Variants in DSG2 observed in about 807,000 individuals in gnomAD.
The protein encoded by DSG2 is desmoglein 2, also known as desmoglein-2.
Under a neutral mutation model 75.6 loss-of-function variants are expected in DSG2, and 45 were observed. That is an observed-to-expected ratio of 0.60 (90% CI 0.47 to 0.76). DSG2 has a LOEUF of 0.76. DSG2 is among the 30% of genes least tolerant of loss of function. The pLI is 0.00. For missense variants in DSG2, 1,267 were observed against 1,357.4 expected, an observed-to-expected ratio of 0.93 and a Z score of 1.05; for synonymous variants, 429 against 483.9, an observed-to-expected ratio of 0.89 and a Z score of 1.49.
intron 1 of DSG2, among the ~76,000 whole-genome samples, chr18:31,506,335 A>T (rs1273448271): frequency 1.3e-5 from 2 of 152,238 alleles, no homozygotes; most frequent in East Asian, 1.9e-4. Flanking sequence ...AGAAAGGAAA[A>T]AAACAAGAAA....
At chr18:31,530,905 T>G in intron 8 of DSG2, 82 bp from the exon 9 acceptor site, 2 of 1,411,664 alleles carry the variant, frequency 1.4e-6, no homozygotes, top group Non-Finnish European at 2.0e-6. Context: ...TATCTAACAT[T>G]AAAACCACAC....
At chr18:31,504,369 C>G (rs1598802062) in intron 1 of DSG2, among the ~76,000 whole-genome samples, 1 of 152,190 alleles carries the variant, frequency 6.6e-6, no homozygotes, top group African/African-American at 2.4e-5. Context: ...CCTTAGACCC[C>G]AAAAGTGCTA....
chr18:31,537,516 G>A (rs537662742), intron 11 of DSG2, among the ~76,000 whole-genome samples: 1 of 152,152 alleles, frequency 6.6e-6, no homozygotes, highest in South Asian at 2.1e-4. Context: ...CTACTCGGGA[G>A]GCTGAGGCAG....
At chr18:31,504,736 G>T (rs919408750) in intron 1 of DSG2, among the ~76,000 whole-genome samples, 1 of 152,152 alleles carries the variant, frequency 6.6e-6, no homozygotes, top group Non-Finnish European at 1.5e-5. Flanking sequence ...CCTGCTCTCT[G>T]TTATGTAGCA....
rs115996060 is a variant in DSG2 at position 31,516,647 on chromosome 18, C to A, written c.46-1592C>A. Among the ~76,000 whole-genome samples the A allele has an allele frequency of 2.9e-3, 446 of 152,286 alleles. 4 individuals carry two copies. Among genetic ancestry groups the A allele is most frequent in the African/African-American group, 0.01 (430 of 41,556 alleles). ...ATATGGTCACACTAGAAAGGAACCG[C>A]CACCCCATGGAAAGAGCAGCTATTT... On this transcript the variant is annotated intron_variant, in intron 1 of 14. Transcript: ENST00000261590.
At chr18:31,505,390 A>G (rs1209436737) in intron 1 of DSG2, among the ~76,000 whole-genome samples, 1 of 152,176 alleles carries the variant, frequency 6.6e-6, no homozygotes, top group Non-Finnish European at 1.5e-5. Flanking sequence ...GTTCCCCAGA[A>G]CTATTTTTAT....
In DSG2 at chr18:31,518,240, T is replaced by C. The variant is rs1478351535; in HGVS notation, c.47T>C (p.Ile16Thr). The C allele has an allele frequency of 6.2e-7, 1 of 1,612,240 alleles. No individual in the cohort carries two copies. The highest frequency in any genetic ancestry group is 8.5e-7 in the Non-Finnish European group (1 of 1,178,314). Reference protein sequence around the residue: ...GRAYALLLLLICFNVGSGLHL... With the variant: ...GRAYALLLLLTCFNVGSGLHL... The stretch of plus-strand genomic sequence containing the variant: ...ATATCAAATAATTTTATTTTACAGA[T>C]CTGCTTTAACGTTGGAAGTGGACTT... The change falls in exon 2 of 15, where the codon ATC becomes ACC. Residue 16 changes from isoleucine to threonine, a missense_variant and splice_region_variant. Coordinates refer to ENST00000261590, the MANE Select transcript of DSG2 (RefSeq NM_001943.5).
chr18:31,503,913 A>G (rs939430931), intron 1 of DSG2, among the ~76,000 whole-genome samples: 3 of 152,194 alleles, frequency 2.0e-5, no homozygotes, highest in Non-Finnish European at 4.4e-5. Context: ...AGAACCTTCA[A>G]GAATTGGGCA....
At chr18:31,512,823 G>A (rs1238997992) in intron 1 of DSG2, among the ~76,000 whole-genome samples, 2 of 151,986 alleles carry the variant, frequency 1.3e-5, no homozygotes, top group African/African-American at 4.8e-5. Context: ...TTTTTTTATT[G>A]CTCTTATCAA....
chr18:31,521,351 A>G, intron 5 of DSG2, 108 bp downstream of exon 5: 1 of 1,179,092 alleles, frequency 8.5e-7, no homozygotes, highest in South Asian at 1.4e-5. Context: ...AGTATTACCT[A>G]CAGAACAAAT....
In DSG2 at chr18:31,524,457, A is replaced by G; in HGVS notation, c.700A>G (p.Ser234Gly). ...TTTCATTGCTCTGCAGGAACACAGCAGCTACACTTTGACAGTAGAAGCAAG... is the reference window on the plus strand; with the variant it reads ...TTTCATTGCTCTGCAGGAACACAGCGGCTACACTTTGACAGTAGAAGCAAG... ...SVTLDREEHS[S>G]YTLTVEARDG... Residue 234 changes from serine (S) to glycine (G), a missense_variant, in exon 7 of 15, where the codon AGC (serine) becomes GGC (glycine). By Grantham distance (56) the Ser-to-Gly change is moderately conservative. Coordinates refer to ENST00000261590, the MANE Select transcript of DSG2 (RefSeq NM_001943.5). 4 of 1,614,184 alleles carry G rather than the reference A, an allele frequency of 2.5e-6. No homozygotes were observed. Among genetic ancestry groups the G allele is most frequent in the Non-Finnish European group, 3.4e-6 (4 of 1,180,020 alleles).
In DSG2 at chr18:31,548,922, T is replaced by C. The variant is rs1036493212; in HGVS notation, c.*2179T>C. 1 of 152,158 alleles carries C rather than the reference T, an allele frequency of 6.6e-6. No individual in the cohort carries two copies. The highest frequency in any genetic ancestry group is 1.5e-5 in the Non-Finnish European group (1 of 68,022). The allele number at this position is 152,158 out of a possible 1,614,324, so 9.4% of individuals were successfully genotyped here. ...ATATAACTCAGTTTGTTAGGGAGAG[T>C]GCCTTAAAGGCAGGTGTTTCTTGGA... is the stretch of plus-strand genomic sequence containing the variant. On this transcript the variant is annotated 3_prime_UTR_variant, in exon 15 of 15. Coordinates refer to ENST00000261590, the MANE Select transcript of DSG2 (RefSeq NM_001943.5).
Position 31,530,980 on chromosome 18 carries a change from C to A in DSG2, c.1015-7C>A. 1.2e-6 allele frequency: 2 copies of A among 1,613,592 alleles called. No individual in the cohort carries two copies. The highest frequency in any genetic ancestry group is 1.1e-5 in the South Asian group (1 of 91,016). ...TGAAAAGAATTCCCTTTGGTTTTCC[C>A]TTTCAGGAAGTAGATTATGAAGAAA... is the stretch of plus-strand genomic sequence containing the variant. On this transcript the variant is annotated splice_polypyrimidine_tract_variant and splice_region_variant and intron_variant, in intron 8 of 14. Transcript: ENST00000261590.
chr18:31,498,192 C>T lies in DSG2; in HGVS notation c.-60C>T. 2 of 1,221,248 alleles carry T rather than the reference C, an allele frequency of 1.6e-6. No homozygotes were observed. The highest frequency in any genetic ancestry group is 2.0e-6 in the Non-Finnish European group (2 of 977,924). The allele number at this position is 1,221,248 out of a possible 1,614,324, so 75.7% of individuals were successfully genotyped here. ...CGGGGCCAGGGAGGAGCCGAGTGCG[C>T]GCTCGGGGCAGGCGGCGGCGCGGAG... is the stretch of plus-strand genomic sequence containing the variant. On this transcript the variant is annotated 5_prime_UTR_variant, in exon 1 of 15. Transcript: ENST00000261590.
At chr18:31,501,885 C>T (rs894954280) in intron 1 of DSG2, among the ~76,000 whole-genome samples, 2 of 152,040 alleles carry the variant, frequency 1.3e-5, no homozygotes. Context: ...ATTCAAGTAT[C>T]TATAAATTAT....
intron 13 of DSG2, chr18:31,542,240 G>A: frequency 2.0e-6 from 1 of 501,572 alleles, no homozygotes; most frequent in Non-Finnish European, 3.6e-6. Flanking sequence ...AAACTGTAGA[G>A]GGAGGTTGAA....
intron 8 of DSG2, among the ~76,000 whole-genome samples, chr18:31,527,820 A>C (rs2073171601): frequency 6.6e-6 from 1 of 152,228 alleles, no homozygotes; most frequent in Non-Finnish European, 1.5e-5. Flanking sequence ...TGGAAAGCCC[A>C]AGATCAAAGC....
At chr18:31,530,846 A>C (rs1405655856) in intron 8 of DSG2, 141 bp from the exon 9 acceptor site, 1 of 740,102 alleles carries the variant, frequency 1.4e-6, no homozygotes, top group Middle Eastern at 3.9e-4. Context: ...TGTCAGTATA[A>C]GAGTTGGACT....
chr18:31,519,263 C>A (rs567527168), intron 2 of DSG2, among the ~76,000 whole-genome samples: 4 of 152,232 alleles, frequency 2.6e-5, no homozygotes, highest in African/African-American at 9.6e-5. Context: ...CAGTTAAAAA[C>A]AAAATTCTAC....
Sources: allele counts gnomAD v4.1 joint callset (sites outside exome capture counted in the v4.1 genomes callset), GRCh38; gene constraint gnomAD v4.1.1; transcripts MANE v1.5; gene names NCBI Gene and HGNC (gene_info 2026-07-23, HGNC 2026-07-21).